The following DNAH7 variants were observed in gnomAD, a reference collection of about 807,000 sequenced individuals.
DNAH7 encodes axonemal beta dynein heavy chain 7.
Under a neutral mutation model 444.6 loss-of-function variants are expected in DNAH7, and 397 were observed. The observed-to-expected ratio is 0.89, with a 90% CI of 0.82 to 0.97. The LOEUF is 0.97. Ranked by LOEUF, DNAH7 falls within the 50% of genes least tolerant of loss-of-function variation. The probability of loss-of-function intolerance (pLI) is 0.00; values close to 1 mark genes in which losing one functional copy is unlikely to be tolerated. For missense variants in DNAH7, 4,902 were observed against 4,800.8 expected (o/e 1.02, Z -0.62); for synonymous variants, 1,636 against 1,624.4 (o/e 1.01, Z -0.17).
intron 9 of DNAH7, among the ~76,000 whole-genome samples, chr2:196,018,650 T>C (rs566207901): frequency 5.3e-5 from 8 of 152,234 alleles, no homozygotes; most frequent in East Asian, 1.9e-4. Flanking sequence ...AAAAACACAA[T>C]TGACGTGCTG....
intron 9 of DNAH7, among the ~76,000 whole-genome samples, chr2:196,015,473 AT>A (rs1317993165): frequency 6.6e-6 from 1 of 152,148 alleles, no homozygotes; most frequent in East Asian, 1.9e-4. Context: ...ACATTCAACT[AT>A]GATGATTTAT....
At chr2:195,948,285 C>T (rs1329981639) in intron 19 of DNAH7, among the ~76,000 whole-genome samples, 7 of 152,126 alleles carry the variant, frequency 4.6e-5, no homozygotes, top group Admixed American at 4.6e-4. Flanking sequence ...TGCAGAAGCT[C>T]TTTAGTTTAA....
At chr2:196,057,048 C>T (rs1330676323) in intron 2 of DNAH7, among the ~76,000 whole-genome samples, 6 of 152,062 alleles carry the variant, frequency 3.9e-5, no homozygotes, top group South Asian at 2.1e-4. Flanking sequence ...CCCGAAGGTC[C>T]GTAATTAAAA....
At chr2:195,872,177 C>A in intron 40 of DNAH7, 73 bp downstream of exon 40, 1 of 1,204,834 alleles carries the variant, frequency 8.3e-7, no homozygotes, top group Non-Finnish European at 1.2e-6. Flanking sequence ...GAAGAATATT[C>A]TTTTTACCCA....
chr2:195,976,711 G>A (rs868403197), intron 15 of DNAH7, among the ~76,000 whole-genome samples: 3 of 150,326 alleles, frequency 2.0e-5, no homozygotes, highest in African/African-American at 7.3e-5. Context: ...CCCAGTTCCA[G>A]GCAGCTTAGC....
At position 195,865,099 on chromosome 2, in the gene DNAH7, C is replaced by T. The variant is rs535066705; in HGVS notation, c.6634-78G>A. On this transcript the variant is annotated intron_variant, in intron 40 of 64. Coordinates refer to ENST00000312428, the MANE Select transcript of DNAH7 (RefSeq NM_018897.3). ...AGTGTTATTATATCTGTGCTAATCT[C>T]AGGTAATAAAAATATTAGAAAATTT... 281 of 1,388,836 alleles carry T rather than the reference C, an allele frequency of 2.0e-4. 5 individuals carry two copies. In the South Asian group the frequency reaches 2.9e-3, roughly 14 times the overall value. The allele number at this position is 1,388,836 out of a possible 1,614,324, so 86.0% of individuals were successfully genotyped here.
rs1225142899 is a variant in DNAH7 at position 196,045,228 on chromosome 2, GAAGA to G, written c.398+2120_398+2123del. On this transcript the variant is annotated intron_variant, in intron 5 of 64. Coordinates refer to ENST00000312428, the MANE Select transcript of DNAH7 (RefSeq NM_018897.3). ...AGGAGGAGGAGGAGGAGAAGGAGAA[GAAGA>G]AAGAGAGGGAGGGAAGAAAAAGAAG... is the stretch of plus-strand genomic sequence containing the variant. Among the ~76,000 whole-genome samples, 5 of 147,754 alleles carry G rather than the reference GAAGA, an allele frequency of 3.4e-5. No individual in the cohort carries two copies. In the Admixed American group the frequency reaches 3.5e-4, roughly 10 times the overall value.
Position 195,738,093 on chromosome 2 carries a change from G to GCTCCATT in DNAH7, c.11902_11903insAATGGAG (p.Pro3968GlnfsTer14). ...TGGAGCAACATAACTTGGCCGTTTT[G>GCTCCATT]GTATATCTGCCCTCTTACAGGGCTT... is the stretch of plus-strand genomic sequence containing the variant. On this transcript the variant is annotated frameshift_variant, in exon 65 of 65. Transcript: ENST00000312428. LOFTEE classifies it low-confidence loss of function (END_TRUNC). 6.2e-7 allele frequency: 1 copy of GCTCCATT among 1,613,824 alleles called. No individual in the cohort carries two copies. The highest frequency in any genetic ancestry group is 2.2e-5 in the East Asian group (1 of 44,870).
At chr2:195,847,140 T>G (rs1045142015) in intron 46 of DNAH7, among the ~76,000 whole-genome samples, 26 of 147,190 alleles carry the variant, frequency 1.8e-4, no homozygotes, top group Non-Finnish European at 8.9e-5. Flanking sequence ...ATCTTATATA[T>G]ATATCAGATA....
intron 5 of DNAH7, among the ~76,000 whole-genome samples, chr2:196,046,149 A>T (rs1251516713): frequency 6.6e-6 from 1 of 152,228 alleles, no homozygotes; most frequent in Non-Finnish European, 1.5e-5. Context: ...CTGAGCTTAC[A>T]AGAAAGAAAC....
At chr2:195,856,972 AT>A (rs1699750318) in intron 44 of DNAH7, among the ~76,000 whole-genome samples, 3 of 152,130 alleles carry the variant, frequency 2.0e-5, no homozygotes, top group Non-Finnish European at 2.9e-5. Context: ...TCTCATCAGT[AT>A]TTTTTTCTAT....
intron 49 of DNAH7, among the ~76,000 whole-genome samples, chr2:195,819,083 C>T (rs1019024244): frequency 2.0e-5 from 3 of 152,148 alleles, no homozygotes; most frequent in Admixed American, 1.3e-4. Flanking sequence ...CCTCCATGTG[C>T]TTCAGTGTTT....
chr2:196,023,492 G>C (rs1695502738), intron 8 of DNAH7, among the ~76,000 whole-genome samples: 1 of 152,166 alleles, frequency 6.6e-6, no homozygotes, highest in Non-Finnish European at 1.5e-5. Context: ...TAAACCTCAT[G>C]AAGCAACCTC....
At chr2:195,809,567 TTA>T (rs1485135601) in intron 52 of DNAH7, among the ~76,000 whole-genome samples, 176 bp downstream of exon 52, 1 of 152,184 alleles carries the variant, frequency 6.6e-6, no homozygotes, top group Non-Finnish European at 1.5e-5. Context: ...TGTGCTTAAT[TTA>T]TATCTCACTT....
rs1686650288 is a variant in DNAH7 at position 195,900,706 on chromosome 2, T to A, written c.4336-212A>T. 11 of 479,122 alleles carry A rather than the reference T, an allele frequency of 2.3e-5. 1 individual carries two copies. The South Asian group carries it at 2.9e-4, about 13-fold the overall frequency. 29.7% of individuals were successfully genotyped at this position (479,122 alleles called of 1,614,324 possible). A position where few individuals can be genotyped will look rare whatever the true frequency, so the allele number is the denominator to read the frequency against. ...TAACAAATGCAAAATTTCAGGTACA[T>A]AAAAGAAATAAATTCTAGTGTACTG... On this transcript the variant is annotated intron_variant, in intron 27 of 64. Coordinates refer to ENST00000312428, the MANE Select transcript of DNAH7 (RefSeq NM_018897.3).
intron 42 of DNAH7, among the ~76,000 whole-genome samples, chr2:195,859,047 C>T (rs572052508): frequency 5.3e-5 from 8 of 152,220 alleles, no homozygotes; most frequent in East Asian, 1.9e-4. Context: ...ATGTTATCAA[C>T]GCATACAACA....
intron 62 of DNAH7, 147 bp from the exon 63 acceptor site, chr2:195,754,661 C>A (rs1693985134): frequency 2.8e-6 from 2 of 722,360 alleles, no homozygotes; most frequent in South Asian, 2.2e-5. Context: ...CAGGCACATA[C>A]CACCATGCCT....
In DNAH7 at chr2:196,068,783, A is replaced by T; in HGVS notation, c.-72T>A. ...GCCCGCGGAACCCCTAGGACGATAGAGGCAGGGCCCCGGGACTTGCAGCGG... is the reference window on the plus strand; with the variant it reads ...GCCCGCGGAACCCCTAGGACGATAGTGGCAGGGCCCCGGGACTTGCAGCGG... On this transcript the variant is annotated 5_prime_UTR_variant, in exon 1 of 65. Coordinates refer to ENST00000312428, the MANE Select transcript of DNAH7 (RefSeq NM_018897.3). 2 of 1,536,160 alleles carry T rather than the reference A, an allele frequency of 1.3e-6. No individual in the cohort carries two copies. Among genetic ancestry groups the T allele is most frequent in the South Asian group, 2.4e-5 (2 of 82,698 alleles).
At chr2:196,005,890 C>T (rs1015329557) in intron 10 of DNAH7, among the ~76,000 whole-genome samples, 3 of 151,462 alleles carry the variant, frequency 2.0e-5, no homozygotes, top group African/African-American at 7.3e-5. Flanking sequence ...TGAGGTATTA[C>T]TATAATACCA....
Sources: gnomAD v4.1 joint callset for allele counts (sites outside exome capture counted in the v4.1 genomes callset) on GRCh38, gnomAD v4.1.1 for gene constraint, MANE v1.5 for transcripts, NCBI Gene and HGNC (gene_info 2026-07-23, HGNC 2026-07-21) for gene names.